The following MAPT variants were observed in gnomAD, a reference collection of about 807,000 sequenced individuals.
MAPT encodes microtubule-associated protein tau.
Under a neutral mutation model 67.9 loss-of-function variants are expected in MAPT, and 34 were observed. The observed-to-expected ratio is 0.50, with a 90% CI of 0.38 to 0.67. The LOEUF (loss-of-function observed/expected upper bound fraction) is 0.67, where lower values mean the gene tolerates loss of function less well. Among genes scored for constraint, MAPT ranks in the 30% least tolerant of loss-of-function variants. MAPT has a pLI of 0.00. For synonymous variants in MAPT, 456 were observed against 464.5 expected, an observed-to-expected ratio of 0.98 and a Z score of 0.23; for missense variants, 881 against 1,115.2, an observed-to-expected ratio of 0.79 and a Z score of 2.99.
intron 4 of MAPT, chr17:45,978,774 G>T: frequency 4.0e-6 from 1 of 247,242 alleles, no homozygotes; most frequent in South Asian, 8.2e-5. Context: ...GGAGACCCAG[G>T]TGGGCAGATC....
At position 45,996,755 on chromosome 17, in the gene MAPT, G is replaced by A; in HGVS notation, c.1998+91G>A. The A allele has an allele frequency of 2.0e-6, 3 of 1,532,466 alleles. No homozygotes were observed. The highest frequency in any genetic ancestry group is 1.9e-4 in the Middle Eastern group (1 of 5,364). The allele number at this position is 1,532,466 out of a possible 1,614,324, so 94.9% of individuals were successfully genotyped here. On this transcript the variant is annotated intron_variant, in intron 9 of 12. Transcript: ENST00000262410. This position sits in a 1 kb window ranked among gnomAD's most constrained non-coding sequence, Gnocchi z 4.5. ...GAAGGGTAGGGCTGCGCCTGGAGGT[G>A]CGCGGTTGAGCGTGGAGTCGTGGGA...
At chr17:45,965,681 G>T (rs112194811) in intron 2 of MAPT, among the ~76,000 whole-genome samples, 2 of 151,698 alleles carry the variant, frequency 1.3e-5, no homozygotes, top group Admixed American at 6.6e-5. Context: ...CTCCCAAAGT[G>T]CTGGGATTGC....
At chr17:45,954,670 G>A (rs546786266) in intron 1 of MAPT, among the ~76,000 whole-genome samples, 29 of 152,130 alleles carry the variant, frequency 1.9e-4, no homozygotes, top group African/African-American at 5.3e-4. Context: ...CATATAAAAA[G>A]GAATCAATTT....
rs569935932 is a variant in MAPT, at chr17:45,906,539, C to T, written c.-18+11853C>T. On this transcript the variant is annotated intron_variant, in intron 1 of 12. Coordinates refer to ENST00000262410, the MANE Select transcript of MAPT (RefSeq NM_001377265.1). The surrounding 1 kb of genome is among the most constrained non-coding windows in gnomAD (Gnocchi z 4.3). Reference sequence around the variant, plus strand: ...ACCTGGCATTTGAATTGAGCCAGAGCGGGGCTAAAGTCAGTTTGCCTTCAC... The same window carrying T: ...ACCTGGCATTTGAATTGAGCCAGAGTGGGGCTAAAGTCAGTTTGCCTTCAC... Among the ~76,000 whole-genome samples the T allele has an allele frequency of 1.8e-4, 28 of 152,208 alleles. No homozygotes were observed. The highest frequency in any genetic ancestry group is 5.1e-4 in the African/African-American group (21 of 41,514).
chr17:45,968,702 G>T (rs1456954720), intron 2 of MAPT, among the ~76,000 whole-genome samples: 1 of 152,122 alleles, frequency 6.6e-6, no homozygotes, highest in Non-Finnish European at 1.5e-5. Context: ...TTCCATATCT[G>T]CATCACCACC....
At position 45,971,956 on chromosome 17, in the gene MAPT, C is replaced by G. The variant is rs1048389017; in HGVS notation, c.220+11C>G. 2 of 1,608,832 alleles carry G rather than the reference C, an allele frequency of 1.2e-6. No homozygotes were observed. Among genetic ancestry groups the G allele is most frequent in the Non-Finnish European group, 1.7e-6 (2 of 1,175,426 alleles). On this transcript the variant is annotated intron_variant, in intron 3 of 12. Coordinates refer to ENST00000262410, the MANE Select transcript of MAPT (RefSeq NM_001377265.1). The surrounding 1 kb of genome is among the most constrained non-coding windows in gnomAD (Gnocchi z 4.3). ...CTCCAACAGCGGAAGGTGGGCCCCCCTTCAGACGCCCCCTCCATGCCTCCA... is the reference window on the plus strand; with the variant it reads ...CTCCAACAGCGGAAGGTGGGCCCCCGTTCAGACGCCCCCTCCATGCCTCCA...
chr17:45,956,309 G>A (rs1199768631), intron 1 of MAPT, among the ~76,000 whole-genome samples: 2 of 152,078 alleles, frequency 1.3e-5, no homozygotes, highest in East Asian at 1.9e-4. Context: ...GGGCACCGCG[G>A]GGGGCTTTGG....
chr17:45,996,996 G>C lies in MAPT; in HGVS notation c.1998+332G>C, dbSNP rs1266508160. On this transcript the variant is annotated intron_variant, in intron 9 of 12. Coordinates refer to ENST00000262410, the MANE Select transcript of MAPT (RefSeq NM_001377265.1). The surrounding 1 kb of genome is among the most constrained non-coding windows in gnomAD (Gnocchi z 4.5). ...GCAGGGCTGTGTCTCCACGGCCGGA[G>C]GCTCTCATAGTCAGGGCACCCACAG... Among the ~76,000 whole-genome samples, 1 of 152,212 alleles carries C rather than the reference G, an allele frequency of 6.6e-6. No individual in the cohort carries two copies. Among genetic ancestry groups the C allele is most frequent in the Non-Finnish European group, 1.5e-5 (1 of 68,038 alleles).
At chr17:45,968,104 C>T (rs1486127240) in intron 2 of MAPT, among the ~76,000 whole-genome samples, 1 of 152,168 alleles carries the variant, frequency 6.6e-6, no homozygotes, top group Non-Finnish European at 1.5e-5. Flanking sequence ...GCGCCACAAA[C>T]TATAACCCAC....
intron 9 of MAPT, chr17:45,999,686 C>T: frequency 1.3e-6 from 2 of 1,560,592 alleles, no homozygotes; most frequent in East Asian, 2.3e-5. Context: ...GATGGGAGCC[C>T]CAGGTTATGA....
chr17:45,985,039 C>T (rs942879821), intron 5 of MAPT, among the ~76,000 whole-genome samples: 9 of 152,344 alleles, frequency 5.9e-5, no homozygotes, highest in African/African-American at 1.7e-4. Context: ...GGCGATGGCT[C>T]ACGCCTGTAA....
chr17:46,014,353 C>A, intron 11 of MAPT, 29 bp downstream of exon 11: 6 of 1,329,298 alleles, frequency 4.5e-6, no homozygotes, highest in African/African-American at 1.5e-5. Context: ...AGGGTTGGGA[C>A]GGGAGGGTGC....
rs1047467075 is a variant in MAPT at position 45,996,651 on chromosome 17, C to T, written c.1985C>T (p.Pro662Leu). 4 of 1,613,668 alleles carry T rather than the reference C, an allele frequency of 2.5e-6. No homozygotes were observed. Among genetic ancestry groups the T allele is most frequent in the Non-Finnish European group, 3.4e-6 (4 of 1,179,910 alleles). Residue 662 changes from proline to leucine, a missense_variant, in exon 9 of 13, where the codon CCG (proline) becomes CTG (leucine). Physicochemically the swap from Pro to Leu is moderately conservative, Grantham distance 98 (BLOSUM62 -3). Transcript: ENST00000262410. The surrounding 1 kb of genome is among the most constrained non-coding windows in gnomAD (Gnocchi z 4.5). The part of the protein sequence containing the change: ...IGSTENLKHQ[P>L]GGGKVQIINK... ...TCCACTGAGAACCTGAAGCACCAGCCGGGAGGCGGGAAGGTGAGAGTGGCT... is the reference window on the plus strand; with the variant it reads ...TCCACTGAGAACCTGAAGCACCAGCTGGGAGGCGGGAAGGTGAGAGTGGCT...
intron 1 of MAPT, among the ~76,000 whole-genome samples, chr17:45,904,376 T>TTATATATATTATATATATTA (rs1568136583): frequency 4.8e-5 from 4 of 82,680 alleles, no homozygotes; most frequent in Non-Finnish European, 1.1e-4. Flanking sequence ...TAAATATATT[T>TTATATATATTATATATATTA]TATATATATT....
At chr17:45,924,884 A>T (rs242556) in intron 1 of MAPT, among the ~76,000 whole-genome samples, 122,984 of 152,120 alleles carry the variant, frequency 0.81, 49,893 homozygotes, top group East Asian at 0.96. Flanking sequence ...CTACACCAGA[A>T]TTTTCCCTCC....
intron 11 of MAPT, among the ~76,000 whole-genome samples, chr17:46,015,485 C>T (rs1005052376): frequency 2.0e-5 from 3 of 152,036 alleles, no homozygotes; most frequent in Non-Finnish European, 2.9e-5. Context: ...CGGTGAAACC[C>T]GGTCTCTACT....
intron 1 of MAPT, among the ~76,000 whole-genome samples, chr17:45,942,808 A>G (rs947601808): frequency 6.6e-6 from 1 of 152,226 alleles, no homozygotes; most frequent in Non-Finnish European, 1.5e-5. Flanking sequence ...AACACTTGAC[A>G]TGTATTAACT....
intron 10 of MAPT, among the ~76,000 whole-genome samples, chr17:46,011,447 A>G (rs1238044196): frequency 2.0e-5 from 3 of 152,116 alleles, no homozygotes; most frequent in African/African-American, 7.2e-5. Context: ...CTTCCTCTAA[A>G]TGTCCCCGGG....
intron 1 of MAPT, among the ~76,000 whole-genome samples, chr17:45,930,062 C>T (rs2066702893): frequency 6.6e-6 from 1 of 152,170 alleles, no homozygotes; most frequent in South Asian, 2.1e-4. Context: ...TAAGCCCCAC[C>T]ATGCTTTGGC....
Sources: gnomAD v4.1 joint callset for allele counts (sites outside exome capture counted in the v4.1 genomes callset) on GRCh38, gnomAD v4.1.1 for gene constraint, Gnocchi (gnomAD v3.1) non-coding constraint, MANE v1.5 for transcripts, NCBI Gene and HGNC (gene_info 2026-07-23, HGNC 2026-07-21) for gene names.